SLC4A10: variants seen among roughly 807,000 people sequenced by gnomAD.
SLC4A10 encodes the protein solute carrier family 4 member 10, also known as sodium-driven chloride bicarbonate exchanger.
A neutral mutation model predicts 137.7 loss-of-function variants in SLC4A10; 42 were observed. That is an observed-to-expected ratio of 0.30 (90% confidence interval 0.24 to 0.39). The LOEUF (loss-of-function observed/expected upper bound fraction) is 0.39, where lower values mean the gene tolerates loss of function less well. Among genes scored for constraint, SLC4A10 ranks in the 10% least tolerant of loss-of-function variants. The probability of loss-of-function intolerance (pLI) is 1.00; values close to 1 mark genes in which losing one functional copy is unlikely to be tolerated. For missense variants in SLC4A10, 925 were observed against 1,355.0 expected (o/e 0.68, Z 4.98); for synonymous variants, 474 against 464.1 (o/e 1.02, Z -0.27).
Position 161,862,959 on chromosome 2 carries a change from T to C in SLC4A10, c.663T>C (p.His221=), listed in dbSNP as rs1487935115. ...HRVHEALMKQ[H]HHQNQKKLTN... Reference sequence around the variant, plus strand: ...TCCATGAGGCATTGATGAAACAGCATCATCATCAGAATCAGAAAAAACTCA... The same window carrying C: ...TCCATGAGGCATTGATGAAACAGCACCATCATCAGAATCAGAAAAAACTCA... The change falls in exon 6 of 27, where the codon CAT becomes CAC. Residue 221 remains histidine (H), a synonymous_variant. Transcript: ENST00000446997. 2 of 1,613,672 alleles carry C rather than the reference T, an allele frequency of 1.2e-6. No individual in the cohort carries two copies. Among genetic ancestry groups the C allele is most frequent in the African/African-American group, 1.3e-5 (1 of 74,910 alleles).
In SLC4A10 at chr2:161,701,462, T is replaced by A. The variant is rs1400449890; in HGVS notation, c.49-69511T>A. On this transcript the variant is annotated intron_variant, in intron 1 of 26. Transcript: ENST00000446997. ...AATAATTGTAATTGATATATAATAG[T>A]TGTACATAGTTTGGGATATATTTGA... is the stretch of plus-strand genomic sequence containing the variant. Among the ~76,000 whole-genome samples the A allele has an allele frequency of 2.6e-5, 4 of 152,102 alleles. No individual in the cohort carries two copies. The East Asian group carries it at 7.7e-4, about 29-fold the overall frequency.
intron 10 of SLC4A10, among the ~76,000 whole-genome samples, chr2:161,882,770 G>A (rs555309004): frequency 1.0e-3 from 154 of 152,162 alleles, no homozygotes; most frequent in African/African-American, 3.6e-3. Context: ...CTTGTTTTGA[G>A]TAAAGAATTT....
At chr2:161,939,070 T>C (rs886134203) in intron 15 of SLC4A10, among the ~76,000 whole-genome samples, 8 of 152,170 alleles carry the variant, frequency 5.3e-5, no homozygotes, top group African/African-American at 1.9e-4. Flanking sequence ...TGGATTTAGC[T>C]AATTTTATTT....
At position 161,957,028 on chromosome 2, in the gene SLC4A10, G is replaced by C. The variant is rs758094896; in HGVS notation, c.2581G>C (p.Val861Leu). 1 of 1,604,376 alleles carries C rather than the reference G, an allele frequency of 6.2e-7. No homozygotes were observed. The highest frequency in any genetic ancestry group is 1.1e-5 in the South Asian group (1 of 89,258). ...CCATCTGGACCTATTAATGGTGGCT[G>C]TCATGCTCGGTGTATGCTCCATCAT... Reference protein sequence around the residue: ...GYHLDLLMVAVMLGVCSIMGL... With the variant: ...GYHLDLLMVALMLGVCSIMGL... The change falls in exon 20 of 27, where the codon GTC (valine) becomes CTC (leucine). Residue 861 changes from valine (V) to leucine (L), a missense_variant. Physicochemically the swap from Val to Leu is conservative, Grantham distance 32 (BLOSUM62 1). This residue lies in a region of SLC4A10 where 115 missense variants were observed against 237.5 expected (regional missense o/e 0.48). Transcript: ENST00000446997.
intron 2 of SLC4A10, among the ~76,000 whole-genome samples, chr2:161,777,799 C>T (rs13399126): frequency 0.26 from 39,519 of 151,906 alleles, 7,555 homozygotes; most frequent in African/African-American, 0.55. Context: ...AAGATGAGAT[C>T]TGGGTGGGGA....
intron 1 of SLC4A10, among the ~76,000 whole-genome samples, chr2:161,726,425 C>T (rs1459052456): frequency 6.6e-6 from 1 of 152,020 alleles, no homozygotes; most frequent in African/African-American, 2.4e-5. Flanking sequence ...TCCTCTCCCC[C>T]AAAACTAAAT....
intron 1 of SLC4A10, among the ~76,000 whole-genome samples, chr2:161,646,720 A>G (rs2036086136): frequency 6.6e-6 from 1 of 152,036 alleles, no homozygotes; most frequent in Admixed American, 6.5e-5. Context: ...CTAAGATTAT[A>G]ACTAGAAAAT....
At chr2:161,894,651 A>G in intron 10 of SLC4A10, 28 bp from the exon 11 acceptor site, 2 of 1,186,066 alleles carry the variant, frequency 1.7e-6, no homozygotes, top group Non-Finnish European at 2.2e-6. Flanking sequence ...TTTTTAAGCT[A>G]TAAATAATAT....
At chr2:161,975,078 A>G (rs1353798121) in intron 24 of SLC4A10, among the ~76,000 whole-genome samples, 1 of 152,122 alleles carries the variant, frequency 6.6e-6, no homozygotes, top group East Asian at 1.9e-4. Context: ...AGTGTTAAAA[A>G]CCAAAATAGG....
intron 19 of SLC4A10, among the ~76,000 whole-genome samples, chr2:161,953,551 T>A (rs1251798359): frequency 6.6e-6 from 1 of 151,452 alleles, no homozygotes; most frequent in Non-Finnish European, 1.5e-5. Context: ...GAGGTTGCAG[T>A]GAGATGAGAT....
intron 3 of SLC4A10, among the ~76,000 whole-genome samples, chr2:161,816,767 A>T (rs1179122786): frequency 6.6e-6 from 1 of 151,792 alleles, no homozygotes; most frequent in Non-Finnish European, 1.5e-5. Flanking sequence ...GCTGAGAATG[A>T]TGGTTTCCAG....
intron 19 of SLC4A10, among the ~76,000 whole-genome samples, chr2:161,952,312 T>C (rs1457407094): frequency 6.6e-6 from 1 of 152,204 alleles, no homozygotes; most frequent in Non-Finnish European, 1.5e-5. Flanking sequence ...CTCCTTGTTC[T>C]TCATGAGCCC....
At chr2:161,667,062 G>A (rs1332887351) in intron 1 of SLC4A10, among the ~76,000 whole-genome samples, 1 of 151,402 alleles carries the variant, frequency 6.6e-6, no homozygotes, top group African/African-American at 2.4e-5. Flanking sequence ...ATTTATATTG[G>A]GCTAATAAAT....
rs944255625 is a variant in SLC4A10 at position 161,658,855 on chromosome 2, C to T, written c.48+34289C>T. ...ATCTGCCTGCCTCAGCCTCCTAAAG[C>T]GCCAGGATTACAGGCATGAGCCACC... On this transcript the variant is annotated intron_variant, in intron 1 of 26. Transcript: ENST00000446997. Among the ~76,000 whole-genome samples, 71 of 151,996 alleles carry T rather than the reference C, an allele frequency of 4.7e-4. 1 individual carries two copies. Among genetic ancestry groups the T allele is most frequent in the South Asian group, 1.7e-3 (8 of 4,822 alleles).
At chr2:161,799,098 T>A (rs1259434782) in intron 2 of SLC4A10, among the ~76,000 whole-genome samples, 1 of 151,546 alleles carries the variant, frequency 6.6e-6, no homozygotes, top group Non-Finnish European at 1.5e-5. Context: ...CATATCTAAA[T>A]GGTTTTGTAT....
At chr2:161,926,238 GTATTAGATACATATA>G (rs1689050943) in intron 15 of SLC4A10, among the ~76,000 whole-genome samples, 1 of 150,292 alleles carries the variant, frequency 6.7e-6, no homozygotes, top group Non-Finnish European at 1.5e-5. Flanking sequence ...GGGTGCTCCT[GTATTAGATACATATA>G]TATTTAGGAT....
At chr2:161,896,994 A>G (rs1393014912) in intron 11 of SLC4A10, among the ~76,000 whole-genome samples, 1 of 152,114 alleles carries the variant, frequency 6.6e-6, no homozygotes, top group Non-Finnish European at 1.5e-5. Context: ...GCATTAGGAA[A>G]ATTCAAAGAC....
chr2:161,722,749 A>C (rs1486714107), intron 1 of SLC4A10, among the ~76,000 whole-genome samples: 1 of 151,954 alleles, frequency 6.6e-6, no homozygotes, highest in East Asian at 1.9e-4. Context: ...GTCTGCCTGC[A>C]CTCTTCAGAG....
At chr2:161,945,973 T>A (rs1188173685) in intron 16 of SLC4A10, among the ~76,000 whole-genome samples, 1 of 152,016 alleles carries the variant, frequency 6.6e-6, no homozygotes, top group Non-Finnish European at 1.5e-5. Context: ...TATGTAGCAA[T>A]TTTGCTACCC....
Sources: gnomAD v4.1 joint callset for allele counts (sites outside exome capture counted in the v4.1 genomes callset) on GRCh38, gnomAD v4.1.1 for gene constraint, gnomAD v4.1.1 regional missense constraint, MANE v1.5 for transcripts, NCBI Gene and HGNC (gene_info 2026-07-23, HGNC 2026-07-21) for gene names.